The following GPR39 variants were observed in gnomAD, a reference collection of about 807,000 sequenced individuals.
GPR39 encodes the protein zinc sensing receptor.
In GPR39, 23 loss-of-function variants were observed where a neutral mutation model predicts 18.4. The ratio of observed to expected loss-of-function variants is 1.25; its 90% CI spans 0.90 to 1.77. The LOEUF is 1.77. Ranked by LOEUF, GPR39 falls within the 40% of genes most tolerant of loss-of-function variation. The pLI, the probability that GPR39 is intolerant of heterozygous loss-of-function variation, is 0.00. For missense variants in GPR39, 647 were observed against 602.4 expected (o/e 1.07, Z -0.78); for synonymous variants, 280 against 257.9 (o/e 1.09, Z -0.82).
chr2:132,644,945 G>T (rs1681973661), intron 1 of GPR39, 156 bp from the exon 2 acceptor site: 13 of 780,858 alleles, frequency 1.7e-5, no homozygotes, highest in Non-Finnish European at 2.6e-5. Flanking sequence ...TGTGGCAAAA[G>T]AAGCTGTCAA....
Position 132,417,719 on chromosome 2 carries a change from G to T in GPR39, c.677G>T (p.Gly226Val). 1.2e-6 allele frequency: 2 copies of T among 1,614,176 alleles called. No individual in the cohort carries two copies. Among genetic ancestry groups the T allele is most frequent in the Non-Finnish European group, 1.7e-6 (2 of 1,180,034 alleles). ...ACCGTGTTCCAGTCCAGCATCTTCG[G>T]CGCCTTCGTGGTCTACCTCGTGGTC... ...RWTVFQSSIF[G>V]AFVVYLVVLL... Residue 226 changes from glycine (G) to valine (V), a missense_variant, in exon 1 of 2, where the codon GGC becomes GTC. Physicochemically the swap from Gly to Val is moderately radical, Grantham distance 109. Coordinates refer to ENST00000329321, the MANE Select transcript of GPR39 (RefSeq NM_001508.3).
At chr2:132,598,602 A>T (rs1573690004) in intron 1 of GPR39, among the ~76,000 whole-genome samples, 1 of 152,174 alleles carries the variant, frequency 6.6e-6, no homozygotes, top group South Asian at 2.1e-4. Context: ...CACTTCCTAG[A>T]TGTGGCACTG....
At chr2:132,627,014 C>T (rs981376232) in intron 1 of GPR39, among the ~76,000 whole-genome samples, 12 of 152,278 alleles carry the variant, frequency 7.9e-5, no homozygotes, top group East Asian at 3.9e-4. Context: ...TCAGGGAAGC[C>T]GCCCCAGTGT....
intron 1 of GPR39, among the ~76,000 whole-genome samples, chr2:132,538,709 C>T (rs1169850294): frequency 1.3e-5 from 2 of 152,206 alleles, no homozygotes; most frequent in Non-Finnish European, 2.9e-5. Context: ...GATGAGAATT[C>T]TGTCTGTAAG....
intron 1 of GPR39, among the ~76,000 whole-genome samples, chr2:132,587,691 C>T (rs1355211650): frequency 6.6e-6 from 1 of 152,070 alleles, no homozygotes; most frequent in Admixed American, 6.5e-5. Flanking sequence ...CCCACCACCA[C>T]ACCCTGCTAA....
chr2:132,602,978 G>T (rs553050987), intron 1 of GPR39, among the ~76,000 whole-genome samples: 7 of 151,996 alleles, frequency 4.6e-5, no homozygotes, highest in Admixed American at 1.3e-4. Context: ...CAGTATGGAG[G>T]TTTCTCAAAT....
At chr2:132,517,320 G>A (rs1274325314) in intron 1 of GPR39, among the ~76,000 whole-genome samples, 2 of 152,092 alleles carry the variant, frequency 1.3e-5, no homozygotes, top group Non-Finnish European at 2.9e-5. Context: ...GGGAAGGAAA[G>A]GAGGAAGAAA....
intron 1 of GPR39, among the ~76,000 whole-genome samples, chr2:132,496,007 G>A (rs1452614016): frequency 2.6e-5 from 4 of 151,924 alleles, no homozygotes; most frequent in African/African-American, 4.8e-5. Context: ...TTTTTTCAAG[G>A]CTTCTCTTAA....
chr2:132,592,820 A>T (rs1680870623), intron 1 of GPR39, among the ~76,000 whole-genome samples: 1 of 152,090 alleles, frequency 6.6e-6, no homozygotes, highest in Non-Finnish European at 1.5e-5. Flanking sequence ...AGAGATATAG[A>T]AGTCACCAGG....
intron 1 of GPR39, among the ~76,000 whole-genome samples, chr2:132,579,680 A>C (rs1680591535): frequency 6.6e-6 from 1 of 152,080 alleles, no homozygotes; most frequent in African/African-American, 2.4e-5. Flanking sequence ...TCGTTGACTA[A>C]AAATTGAGTT....
In GPR39 at chr2:132,585,305, C is replaced by T. The variant is rs1038140912; in HGVS notation, c.857-59796C>T. Among the ~76,000 whole-genome samples, 6 of 152,106 alleles carry T rather than the reference C, an allele frequency of 3.9e-5. No individual in the cohort carries two copies. In the East Asian group the frequency reaches 9.7e-4, roughly 24 times the overall value. On this transcript the variant is annotated intron_variant, in intron 1 of 1. Transcript: ENST00000329321. ...TCATAGGAGTCCCTGTCCCCCAGGCCTTTCCCTAAACCCCTATTCTAGCTT... is the reference window on the plus strand; with the variant it reads ...TCATAGGAGTCCCTGTCCCCCAGGCTTTTCCCTAAACCCCTATTCTAGCTT...
intron 1 of GPR39, among the ~76,000 whole-genome samples, chr2:132,517,955 T>C (rs1484350870): frequency 6.6e-6 from 1 of 152,240 alleles, no homozygotes; most frequent in Admixed American, 6.5e-5. Context: ...AGGGGCTTTT[T>C]TTCCTTTTTT....
intron 1 of GPR39, among the ~76,000 whole-genome samples, chr2:132,455,166 A>G (rs1439087864): frequency 6.6e-6 from 1 of 152,122 alleles, no homozygotes; most frequent in African/African-American, 2.4e-5. Context: ...AGAACCTGTA[A>G]TTGGTCTTTT....
chr2:132,499,271 A>G (rs1681708015), intron 1 of GPR39, among the ~76,000 whole-genome samples: 1 of 152,144 alleles, frequency 6.6e-6, no homozygotes, highest in Admixed American at 6.6e-5. Context: ...TCATTCTTCT[A>G]CGTGTGGCTT....
chr2:132,602,486 G>T (rs770467117), intron 1 of GPR39, among the ~76,000 whole-genome samples: 2 of 152,046 alleles, frequency 1.3e-5, no homozygotes, highest in Non-Finnish European at 2.9e-5. Flanking sequence ...TCTAGGCAAA[G>T]ATTTTTTGGG....
chr2:132,455,401 T>G (rs1680703167), intron 1 of GPR39, among the ~76,000 whole-genome samples: 1 of 152,228 alleles, frequency 6.6e-6, no homozygotes, highest in African/African-American at 2.4e-5. Context: ...GCTAGTGGTC[T>G]ATCAATTTTG....
intron 1 of GPR39, among the ~76,000 whole-genome samples, chr2:132,424,504 A>T (rs777015252): frequency 6.6e-5 from 10 of 152,188 alleles, no homozygotes; most frequent in Non-Finnish European, 1.3e-4. Context: ...TGACCTCTTT[A>T]GCTGGGCAAT....
intron 1 of GPR39, among the ~76,000 whole-genome samples, chr2:132,460,806 G>T (rs991189750): frequency 6.6e-6 from 1 of 151,938 alleles, no homozygotes; most frequent in Non-Finnish European, 1.5e-5. Context: ...TGCCTACATG[G>T]TAACCCCAGA....
At chr2:132,504,097 A>G (rs545499187) in intron 1 of GPR39, among the ~76,000 whole-genome samples, 2 of 152,272 alleles carry the variant, frequency 1.3e-5, no homozygotes, top group East Asian at 1.9e-4. Context: ...AGTTTCTTCA[A>G]AGCATCTGTG....
Sources: allele counts gnomAD v4.1 joint callset (sites outside exome capture counted in the v4.1 genomes callset), GRCh38; gene constraint gnomAD v4.1.1; transcripts MANE v1.5; gene names NCBI Gene and HGNC (gene_info 2026-07-23, HGNC 2026-07-21).